Variants in ANOS1 observed in about 807,000 individuals in gnomAD.
ANOS1 encodes the protein anosmin 1, also known as anosmin-1.
ANOS1 carries 6 observed loss-of-function variants against 59.0 expected under a neutral mutation model. The ratio of observed to expected loss-of-function variants is 0.10; its 90% confidence interval spans 0.06 to 0.20. The LOEUF (loss-of-function observed/expected upper bound fraction) is 0.20. ANOS1 is among the 10% of genes least tolerant of loss of function. ANOS1 has a pLI of 1.00. For synonymous variants in ANOS1, 217 were observed against 223.4 expected, an observed-to-expected ratio of 0.97 and a Z score of 0.25; for missense variants, 433 against 542.3, an observed-to-expected ratio of 0.80 and a Z score of 2.00.
intron 2 of ANOS1, among the ~76,000 whole-genome samples, chrX:8,688,310 G>A (rs965490731): frequency 1.8e-5 from 2 of 112,021 alleles, no homozygotes; most frequent in Admixed American, 1.9e-4. Flanking sequence ...CATTTTTCCA[G>A]TTGCCAGAAT....
chrX:8,624,250 A>G (rs940845750), intron 2 of ANOS1, among the ~76,000 whole-genome samples: 1 of 110,606 alleles, frequency 9.0e-6, no homozygotes, highest in Non-Finnish European at 1.9e-5. Flanking sequence ...TCATGACCTC[A>G]GGTGATCCAC....
At chrX:8,614,437 C>T (rs1029899270) in intron 3 of ANOS1, among the ~76,000 whole-genome samples, 3 of 111,313 alleles carry the variant, frequency 2.7e-5, no homozygotes, top group African/African-American at 9.8e-5. Flanking sequence ...GTATCTGTTA[C>T]CTACTATTGA....
chrX:8,705,478 G>C (rs377564619), intron 1 of ANOS1, among the ~76,000 whole-genome samples: 41 of 111,355 alleles, frequency 3.7e-4, no homozygotes, highest in Admixed American at 3.5e-3. Flanking sequence ...ACCTGTATCA[G>C]TCATCATGTG....
At position 8,699,686 on chromosome X, in the gene ANOS1, T is replaced by C. The variant is rs769986759; in HGVS notation, c.255+12A>G. On this transcript the variant is annotated intron_variant, in intron 2 of 13. Coordinates refer to ENST00000262648, the MANE Select transcript of ANOS1 (RefSeq NM_000216.4). Reference sequence around the variant, plus strand: ...GTTTTTTGCACCATTCATACAGGTATAGGAAACGTACCTTAGAACATTGCT... The same window carrying C: ...GTTTTTTGCACCATTCATACAGGTACAGGAAACGTACCTTAGAACATTGCT... The C allele has an allele frequency of 3.4e-6, 4 of 1,183,367 alleles. No homozygotes were observed. Among genetic ancestry groups the C allele is most frequent in the Admixed American group, 4.4e-5 (2 of 45,350 alleles).
intron 1 of ANOS1, among the ~76,000 whole-genome samples, chrX:8,727,680 A>G (rs745999432): frequency 1.0e-3 from 115 of 112,120 alleles, no homozygotes; most frequent in Middle Eastern, 4.6e-3. Context: ...ATCATGCCTG[A>G]GCACATGTGT....
intron 2 of ANOS1, among the ~76,000 whole-genome samples, chrX:8,643,276 T>G (rs1472578687): frequency 8.9e-6 from 1 of 112,202 alleles, no homozygotes; most frequent in East Asian, 2.8e-4. Flanking sequence ...AATGTCAATT[T>G]AACAAAATAA....
chrX:8,575,409 T>C (rs1930303647), intron 6 of ANOS1, among the ~76,000 whole-genome samples: 1 of 112,204 alleles, frequency 8.9e-6, no homozygotes, highest in Non-Finnish European at 1.9e-5. Context: ...AGTAGTCACA[T>C]GAATATTGCA....
intron 1 of ANOS1, among the ~76,000 whole-genome samples, chrX:8,729,875 C>G (rs1471330877): frequency 4.5e-5 from 5 of 110,868 alleles, no homozygotes; most frequent in African/African-American, 6.6e-5. Context: ...AGGGTTAAGG[C>G]TCCCAGAATG....
At chrX:8,558,435 G>A (rs2146799606) in intron 8 of ANOS1, among the ~76,000 whole-genome samples, 1 of 109,180 alleles carries the variant, frequency 9.2e-6, no homozygotes, top group East Asian at 2.9e-4. Context: ...TCATGTTCAA[G>A]TTAATGAACC....
chrX:8,667,784 A>G (rs2146877753), intron 2 of ANOS1, among the ~76,000 whole-genome samples: 1 of 111,142 alleles, frequency 9.0e-6, no homozygotes, highest in East Asian at 2.8e-4. Flanking sequence ...GTGTTTTTAG[A>G]AGACATTCTC....
intron 2 of ANOS1, among the ~76,000 whole-genome samples, chrX:8,657,243 G>C (rs962099496): frequency 1.8e-5 from 2 of 112,266 alleles, no homozygotes; most frequent in Non-Finnish European, 3.8e-5. Flanking sequence ...TGGAAGCTTC[G>C]CATTGGGAAT....
chrX:8,588,280 T>C lies in ANOS1; in HGVS notation c.542-302A>G, dbSNP rs915371571. On this transcript the variant is annotated intron_variant, in intron 4 of 13. Transcript: ENST00000262648. ...AGTAATCTCTAGAGCAATCATTTCA[T>C]GTGCATTCTTTTCAATAAATCATGT... Among the ~76,000 whole-genome samples, 5 of 111,860 alleles carry C rather than the reference T, an allele frequency of 4.5e-5. No homozygotes were observed. In the Admixed American group the frequency reaches 4.8e-4, roughly 11 times the overall value.
At chrX:8,627,945 A>G (rs1162087210) in intron 2 of ANOS1, among the ~76,000 whole-genome samples, 1 of 111,242 alleles carries the variant, frequency 9.0e-6, no homozygotes, top group African/African-American at 3.3e-5. Context: ...GAGGCCAAGA[A>G]CTGCTAGGCT....
chrX:8,535,969 T>C (rs1237707889), intron 11 of ANOS1, among the ~76,000 whole-genome samples, 158 bp from the exon 12 acceptor site: 1 of 110,900 alleles, frequency 9.0e-6, no homozygotes, highest in African/African-American at 3.3e-5. Context: ...ATCACCCCTT[T>C]GACATATGGG....
chrX:8,630,906 G>C (rs1450525238), intron 2 of ANOS1, among the ~76,000 whole-genome samples: 1 of 112,829 alleles, frequency 8.9e-6, no homozygotes, highest in East Asian at 2.8e-4. Flanking sequence ...AGAGGACATT[G>C]GGTGAAAGGA....
intron 3 of ANOS1, among the ~76,000 whole-genome samples, chrX:8,606,604 T>C (rs1267019843): frequency 5.3e-5 from 6 of 112,360 alleles, no homozygotes; most frequent in African/African-American, 1.9e-4. Flanking sequence ...CTTTAAGCAT[T>C]TATTTGAAAC....
At chrX:8,688,729 C>A (rs1932559984) in intron 2 of ANOS1, among the ~76,000 whole-genome samples, 1 of 111,912 alleles carries the variant, frequency 8.9e-6, no homozygotes, top group Non-Finnish European at 1.9e-5. Flanking sequence ...GGATTTAAAT[C>A]TAAATAGGAA....
intron 3 of ANOS1, among the ~76,000 whole-genome samples, chrX:8,609,931 C>T (rs186464577): frequency 2.1e-3 from 197 of 94,676 alleles, no homozygotes; most frequent in Middle Eastern, 5.7e-3. Context: ...GGTGTGAACC[C>T]GGGAGGCGGA....
At chrX:8,725,539 T>TATATATATACAGAC in intron 1 of ANOS1, among the ~76,000 whole-genome samples, 1 of 99,992 alleles carries the variant, frequency 1.0e-5, no homozygotes, top group Non-Finnish European at 2.0e-5. Context: ...TATATACAGA[T>TATATATATACAGAC]ATATATATAC....
Sources: gnomAD v4.1 joint callset for allele counts (sites outside exome capture counted in the v4.1 genomes callset) on GRCh38, gnomAD v4.1.1 for gene constraint, MANE v1.5 for transcripts, NCBI Gene and HGNC (gene_info 2026-07-23, HGNC 2026-07-21) for gene names.